The following SLC12A2 variants were observed in gnomAD, a reference collection of about 807,000 sequenced individuals.
SLC12A2 encodes solute carrier family 12 member 2, also known as Na-K-2Cl cotransporter 1.
In SLC12A2, 67 loss-of-function variants were observed where a neutral mutation model predicts 136.3. The ratio of observed to expected loss-of-function variants is 0.49; its 90% CI spans 0.40 to 0.60. SLC12A2 has a LOEUF of 0.60. Ranked by LOEUF, SLC12A2 falls within the 20% of genes least tolerant of loss-of-function variation. The pLI is 0.00. For synonymous variants in SLC12A2, 619 were observed against 562.9 expected, an observed-to-expected ratio of 1.10 and a Z score of -1.41; for missense variants, 1,322 against 1,534.7, an observed-to-expected ratio of 0.86 and a Z score of 2.32.
chr5:128,120,088 G>A (rs1761497929), intron 4 of SLC12A2, among the ~76,000 whole-genome samples: 1 of 151,980 alleles, frequency 6.6e-6, no homozygotes, highest in Admixed American at 6.6e-5. Flanking sequence ...CATTTATGCA[G>A]CCAAAAGACA....
At chr5:128,143,802 A>G (rs1225156524) in intron 10 of SLC12A2, among the ~76,000 whole-genome samples, 2 of 151,414 alleles carry the variant, frequency 1.3e-5, no homozygotes, top group Non-Finnish European at 2.9e-5. Flanking sequence ...TTGTATTTTA[A>G]TGTATTTAAA....
At chr5:128,175,591 G>A (rs1054448948) in intron 20 of SLC12A2, among the ~76,000 whole-genome samples, 1 of 151,706 alleles carries the variant, frequency 6.6e-6, no homozygotes, top group Non-Finnish European at 1.5e-5. Flanking sequence ...TAATGGGAGG[G>A]TAAGAAGAAA....
At chr5:128,101,588 A>G (rs763702068) in intron 1 of SLC12A2, among the ~76,000 whole-genome samples, 3 of 152,220 alleles carry the variant, frequency 2.0e-5, no homozygotes, top group Non-Finnish European at 2.9e-5. Flanking sequence ...AGTGCCCTAA[A>G]ATAAAGATCC....
At chr5:128,130,808 A>G (rs934931935) in intron 4 of SLC12A2, among the ~76,000 whole-genome samples, 1 of 152,238 alleles carries the variant, frequency 6.6e-6, no homozygotes, top group African/African-American at 2.4e-5. Context: ...TAAACTTTAA[A>G]AGATAAAATG....
chr5:128,180,751 A>C (rs1763680978), intron 22 of SLC12A2, 132 bp from the exon 23 acceptor site: 1 of 617,378 alleles, frequency 1.6e-6, no homozygotes, highest in Non-Finnish European at 2.9e-6. Context: ...TTTTGACTGA[A>C]TTATCAAGGA....
At chr5:128,127,777 T>C (rs1179570144) in intron 4 of SLC12A2, among the ~76,000 whole-genome samples, 1 of 152,154 alleles carries the variant, frequency 6.6e-6, no homozygotes, top group Non-Finnish European at 1.5e-5. Context: ...TAATGACATG[T>C]CCCTGCTTTC....
At chr5:128,094,102 T>G (rs1297629482) in intron 1 of SLC12A2, among the ~76,000 whole-genome samples, 4 of 151,916 alleles carry the variant, frequency 2.6e-5, no homozygotes, top group African/African-American at 9.7e-5. Context: ...ACAAACTCAT[T>G]TTCCCTTAAT....
chr5:128,151,940 G>A (rs890433821), intron 14 of SLC12A2, among the ~76,000 whole-genome samples: 7 of 152,064 alleles, frequency 4.6e-5, no homozygotes, highest in Non-Finnish European at 8.8e-5. Context: ...CTAGTATGTC[G>A]TATTGATAAC....
chr5:128,104,930 A>G (rs931463156), intron 1 of SLC12A2, among the ~76,000 whole-genome samples: 2 of 152,128 alleles, frequency 1.3e-5, no homozygotes, highest in Admixed American at 1.3e-4. Context: ...GCTTCTGTAG[A>G]TTTGGGAACA....
In SLC12A2 at chr5:128,084,845, C is replaced by A; in HGVS notation, c.756+135C>A. ...GACTTGCTGGCATCTCTGGATTCAG[C>A]TGTCAAGGGTGGAATTGCCGAGGAA... is the stretch of plus-strand genomic sequence containing the variant. On this transcript the variant is annotated intron_variant, in intron 1 of 26. Coordinates refer to ENST00000262461, the MANE Select transcript of SLC12A2 (RefSeq NM_001046.3). The surrounding 1 kb of genome is among the most constrained non-coding windows in gnomAD (Gnocchi z 5.6). 9.5e-7 allele frequency: 1 copy of A among 1,051,990 alleles called. No homozygotes were observed. The highest frequency in any genetic ancestry group is 1.3e-6 in the Non-Finnish European group (1 of 749,790). The allele number at this position is 1,051,990 out of a possible 1,614,324, so 65.2% of individuals were successfully genotyped here.
chr5:128,122,862 T>A (rs1761641992), intron 4 of SLC12A2, among the ~76,000 whole-genome samples: 4 of 152,114 alleles, frequency 2.6e-5, no homozygotes. Context: ...CTTTTTTTAA[T>A]AGCTAGTTTC....
intron 16 of SLC12A2, among the ~76,000 whole-genome samples, chr5:128,161,034 T>G (rs546216086): frequency 1.3e-5 from 2 of 152,288 alleles, no homozygotes; most frequent in South Asian, 4.1e-4. Flanking sequence ...AAATTATATT[T>G]TTACTTATTT....
intron 18 of SLC12A2, chr5:128,169,857 T>C (rs1470125189): frequency 6.6e-6 from 1 of 152,232 alleles, no homozygotes; most frequent in African/African-American, 2.4e-5. Context: ...TTTCTGACTC[T>C]GACTTTCTAG....
At chr5:128,117,382 A>T (rs905927019) in intron 4 of SLC12A2, among the ~76,000 whole-genome samples, 3 of 152,184 alleles carry the variant, frequency 2.0e-5, no homozygotes, top group Non-Finnish European at 4.4e-5. Context: ...AAACCAAAAA[A>T]TCTCACTTTT....
intron 4 of SLC12A2, among the ~76,000 whole-genome samples, chr5:128,128,743 T>G (rs2126693600): frequency 6.6e-6 from 1 of 151,444 alleles, no homozygotes; most frequent in South Asian, 2.1e-4. Flanking sequence ...CAAAATAAGG[T>G]GTATACCTAG....
At chr5:128,110,246 A>G in intron 1 of SLC12A2, 1 of 807,268 alleles carries the variant, frequency 1.2e-6, no homozygotes, top group Admixed American at 1.7e-5. Flanking sequence ...CATCCATCCG[A>G]CCTTTTCCTG....
Position 128,147,059 on chromosome 5 carries a change from A to G in SLC12A2, c.1774-563A>G, listed in dbSNP as rs892919557. ...TGATTGAAAAAGACTGAAGAGACGC[A>G]TAAACCAAATATAATGTGTAACCTT... On this transcript the variant is annotated intron_variant, in intron 10 of 26. Coordinates refer to ENST00000262461, the MANE Select transcript of SLC12A2 (RefSeq NM_001046.3). 3.3e-5 allele frequency among the ~76,000 whole-genome samples: 5 copies of G among 150,942 alleles called. No homozygotes were observed. The South Asian group carries it at 8.3e-4, about 25-fold the overall frequency.
At chr5:128,164,106 A>T (rs1763128030) in intron 17 of SLC12A2, among the ~76,000 whole-genome samples, 1 of 152,180 alleles carries the variant, frequency 6.6e-6, no homozygotes, top group Non-Finnish European at 1.5e-5. Flanking sequence ...AAACTTCAGC[A>T]TGCGTCAGAA....
intron 15 of SLC12A2, among the ~76,000 whole-genome samples, chr5:128,157,695 A>G (rs1581121059): frequency 6.6e-6 from 1 of 152,106 alleles, no homozygotes; most frequent in Non-Finnish European, 1.5e-5. Flanking sequence ...GCAGGAAGTT[A>G]TGCAAACTCT....
Sources: gnomAD v4.1 joint callset for allele counts (sites outside exome capture counted in the v4.1 genomes callset) on GRCh38, gnomAD v4.1.1 for gene constraint, Gnocchi (gnomAD v3.1) non-coding constraint, MANE v1.5 for transcripts, NCBI Gene and HGNC (gene_info 2026-07-23, HGNC 2026-07-21) for gene names.